Variants in EYS observed in about 807,000 individuals in gnomAD.
EYS encodes the protein protein eyes shut homolog.
A neutral mutation model predicts 282.1 loss-of-function variants in EYS; 250 were observed. The ratio of observed to expected loss-of-function variants is 0.89; its 90% CI spans 0.80 to 0.98. EYS has a LOEUF of 0.98. Among genes scored for constraint, EYS ranks in the 50% least tolerant of loss-of-function variants. The pLI is 0.00. For synonymous variants in EYS, 1,355 were observed against 1,282.9 expected (o/e 1.06, Z -1.20); for missense variants, 4,016 against 3,709.0 (o/e 1.08, Z -2.15).
At chr6:63,738,481 G>T (rs1001079110) in intron 41 of EYS, among the ~76,000 whole-genome samples, 1 of 149,696 alleles carries the variant, frequency 6.7e-6, no homozygotes, top group Non-Finnish European at 1.5e-5. Flanking sequence ...GTAAACTATC[G>T]CAAGAACAAA....
intron 2 of EYS, among the ~76,000 whole-genome samples, chr6:65,590,339 T>A (rs960736042): frequency 6.6e-6 from 1 of 152,038 alleles, no homozygotes; most frequent in Admixed American, 6.6e-5. Flanking sequence ...AAACTTTTTC[T>A]TTTTAAATTT....
chr6:64,138,910 A>C (rs1774250193), intron 31 of EYS, among the ~76,000 whole-genome samples: 1 of 152,186 alleles, frequency 6.6e-6, no homozygotes, highest in Admixed American at 6.5e-5. Flanking sequence ...TGGAATGCTA[A>C]GCATGGGAGA....
chr6:64,181,956 CTATTTATGATTG>C (rs67278204), intron 31 of EYS, among the ~76,000 whole-genome samples: 38,566 of 151,684 alleles, frequency 0.25, 5,341 homozygotes, highest in East Asian at 0.43. Context: ...CTGTCCATTT[CTATTTATGATTG>C]TATTTACAGG....
chr6:64,321,534 G>A (rs1475899715), intron 29 of EYS, among the ~76,000 whole-genome samples: 4 of 151,768 alleles, frequency 2.6e-5, no homozygotes, highest in Non-Finnish European at 4.4e-5. Context: ...TTACACGTGG[G>A]CCATAAAGGA....
chr6:65,649,372 A>AAC lies in EYS; in HGVS notation c.-447-9482_-447-9481dup, dbSNP rs150768155. ...TTTCTGAAAGTGTGTCCAATCTTAAAACACACACACACACACATACACACA... is the reference window on the plus strand; with the variant it reads ...TTTCTGAAAGTGTGTCCAATCTTAAAACACACACACACACACACATACACACA... On this transcript the variant is annotated intron_variant, in intron 1 of 42. Coordinates refer to ENST00000503581, the MANE Select transcript of EYS (RefSeq NM_001142800.2). Among the ~76,000 whole-genome samples, 490 of 151,090 alleles carry AAC rather than the reference A, an allele frequency of 3.2e-3. 4 individuals carry two copies. Among genetic ancestry groups the AAC allele is most frequent in the African/African-American group, 0.011 (449 of 41,320 alleles).
At chr6:65,274,046 C>A (rs1482575874) in intron 12 of EYS, among the ~76,000 whole-genome samples, 1 of 152,186 alleles carries the variant, frequency 6.6e-6, no homozygotes, top group Non-Finnish European at 1.5e-5. Context: ...GGAGTTTTTA[C>A]ACAGGTTCAA....
chr6:64,653,392 T>C (rs950949219), intron 22 of EYS, among the ~76,000 whole-genome samples: 12 of 152,190 alleles, frequency 7.9e-5, no homozygotes, highest in Non-Finnish European at 2.9e-5. Context: ...TATGTTCATG[T>C]AGATGGAATT....
At chr6:63,835,579 A>C (rs1771784296) in intron 36 of EYS, among the ~76,000 whole-genome samples, 1 of 151,998 alleles carries the variant, frequency 6.6e-6, no homozygotes, top group African/African-American at 2.4e-5. Flanking sequence ...GGAGACTTGG[A>C]GGGAAGAGTG....
chr6:64,980,248 C>G lies in EYS; in HGVS notation c.2259+17334G>C, dbSNP rs147087286. Among the ~76,000 whole-genome samples the G allele has an allele frequency of 2.4e-3, 371 of 151,550 alleles. 2 individuals carry two copies. Among genetic ancestry groups the G allele is most frequent in the African/African-American group, 8.4e-3 (350 of 41,450 alleles). The stretch of plus-strand genomic sequence containing the variant: ...TACAATCATTATGAAGAAATGATCT[C>G]AGTTTAAATGCTACTTCCCCCTTTA... On this transcript the variant is annotated intron_variant, in intron 14 of 42. Coordinates refer to ENST00000503581, the MANE Select transcript of EYS (RefSeq NM_001142800.2).
chr6:64,106,609 ACTTCATGTAG>A (rs1773020535), intron 31 of EYS, among the ~76,000 whole-genome samples: 1 of 149,882 alleles, frequency 6.7e-6, no homozygotes, highest in Admixed American at 6.7e-5. Flanking sequence ...ATATAATGTG[ACTTCATGTAG>A]CTGGTTTTGT....
intron 29 of EYS, among the ~76,000 whole-genome samples, chr6:64,344,460 A>G (rs1582630022): frequency 6.6e-6 from 1 of 152,214 alleles, no homozygotes; most frequent in East Asian, 1.9e-4. Flanking sequence ...CAAAAACCAC[A>G]TGATTATCTC....
At chr6:65,266,989 T>TATATAGAGAGAG (rs144200033) in intron 12 of EYS, among the ~76,000 whole-genome samples, 151 of 142,128 alleles carry the variant, frequency 1.1e-3, no homozygotes, top group African/African-American at 2.9e-3. Flanking sequence ...TATATATATA[T>TATATAGAGAGAG]AGAGAGAGAG....
At chr6:65,408,875 T>A (rs1485426463) in intron 5 of EYS, among the ~76,000 whole-genome samples, 2 of 152,164 alleles carry the variant, frequency 1.3e-5, no homozygotes, top group Non-Finnish European at 2.9e-5. Flanking sequence ...TTAAGCACAG[T>A]ATAAGCACTG....
At chr6:64,176,959 AG>A (rs1764654955) in intron 31 of EYS, among the ~76,000 whole-genome samples, 1 of 152,002 alleles carries the variant, frequency 6.6e-6, no homozygotes, top group Non-Finnish European at 1.5e-5. Context: ...TGATATTAAA[AG>A]ATGTAATATT....
intron 12 of EYS, among the ~76,000 whole-genome samples, chr6:65,266,887 CATAT>C (rs10571039): frequency 0.032 from 4,532 of 139,518 alleles, 211 homozygotes; most frequent in African/African-American, 0.1. Flanking sequence ...AATGTGTGTG[CATAT>C]ATATATATAT....
chr6:64,637,842 C>G lies in EYS; in HGVS notation c.3444-11597G>C, dbSNP rs1768029384. ...TGGGTTGATCTGTGTAGCAAACCAC[C>G]ATGACACACGTTTACCTTTGTAACA... is the stretch of plus-strand genomic sequence containing the variant. On this transcript the variant is annotated intron_variant, in intron 22 of 42. Coordinates refer to ENST00000503581, the MANE Select transcript of EYS (RefSeq NM_001142800.2). Among the ~76,000 whole-genome samples the G allele has an allele frequency of 2.2e-5, 2 of 90,584 alleles. 1 individual carries two copies. Among genetic ancestry groups the G allele is most frequent in the East Asian group, 5.0e-4 (2 of 4,024 alleles). 59.4% of individuals were successfully genotyped at this position (90,584 alleles called of 152,430 possible).
chr6:64,690,746 G>A (rs577709106), intron 22 of EYS, among the ~76,000 whole-genome samples: 3 of 152,080 alleles, frequency 2.0e-5, no homozygotes, highest in East Asian at 1.9e-4. Context: ...ACCAAACACC[G>A]CATGTTCACA....
chr6:65,466,058 C>A (rs1423631772), intron 5 of EYS, among the ~76,000 whole-genome samples: 1 of 151,908 alleles, frequency 6.6e-6, no homozygotes, highest in South Asian at 2.1e-4. Flanking sequence ...GTTAATGGGA[C>A]AGAGAATTAG....
At chr6:63,888,099 T>A (rs1378372404) in intron 35 of EYS, among the ~76,000 whole-genome samples, 1 of 152,194 alleles carries the variant, frequency 6.6e-6, no homozygotes, top group Non-Finnish European at 1.5e-5. Flanking sequence ...ATACTGCCTC[T>A]CTGGGAAGGG....
Sources: gnomAD v4.1 joint callset for allele counts (sites outside exome capture counted in the v4.1 genomes callset) on GRCh38, gnomAD v4.1.1 for gene constraint, MANE v1.5 for transcripts, NCBI Gene and HGNC (gene_info 2026-07-23, HGNC 2026-07-21) for gene names.